The following GRID2 variants were observed in gnomAD, a reference collection of about 807,000 sequenced individuals.
GRID2 encodes glutamate ionotropic receptor delta type subunit 2.
GRID2 carries 33 observed loss-of-function variants against 114.8 expected under a neutral mutation model. The ratio of observed to expected loss-of-function variants is 0.29; its 90% CI spans 0.22 to 0.38. The LOEUF (loss-of-function observed/expected upper bound fraction) is 0.38, where lower values mean the gene tolerates loss of function less well. Ranked by LOEUF, GRID2 falls within the 10% of genes least tolerant of loss-of-function variation. The pLI is 1.00. For missense variants in GRID2, 1,184 were observed against 1,257.7 expected (o/e 0.94, Z 0.89); for synonymous variants, 505 against 449.9 (o/e 1.12, Z -1.55).
intron 2 of GRID2, among the ~76,000 whole-genome samples, chr4:93,084,719 C>A (rs77068042): frequency 2.3e-4 from 35 of 152,082 alleles, no homozygotes; most frequent in African/African-American, 8.0e-4. Flanking sequence ...AATAATCCTG[C>A]GAGATTCATG....
At chr4:93,111,733 G>A (rs913165142) in intron 4 of GRID2, among the ~76,000 whole-genome samples, 48 of 140,646 alleles carry the variant, frequency 3.4e-4, no homozygotes, top group Non-Finnish European at 6.8e-4. Context: ...TTGAGGACGG[G>A]AATTTATTTG....
intron 7 of GRID2, among the ~76,000 whole-genome samples, chr4:93,226,361 A>C (rs1745483459): frequency 6.6e-6 from 1 of 152,236 alleles, no homozygotes; most frequent in African/African-American, 2.4e-5. Flanking sequence ...ATGGTGGGAC[A>C]GTCATAGGAT....
At chr4:92,331,296 C>T (rs1453298425) in intron 1 of GRID2, among the ~76,000 whole-genome samples, 3 of 152,076 alleles carry the variant, frequency 2.0e-5, no homozygotes, top group Non-Finnish European at 2.9e-5. Context: ...CAAAAAGTGC[C>T]AGTGGATAAG....
At chr4:92,966,412 C>T (rs138910989) in intron 2 of GRID2, among the ~76,000 whole-genome samples, 1 of 152,046 alleles carries the variant, frequency 6.6e-6, no homozygotes, top group Non-Finnish European at 1.5e-5. Flanking sequence ...AATTTGGATA[C>T]AATGTTATGC....
chr4:92,660,810 T>A (rs1579789852), intron 2 of GRID2, among the ~76,000 whole-genome samples: 1 of 151,204 alleles, frequency 6.6e-6, no homozygotes, highest in African/African-American at 2.4e-5. Context: ...TTAAAATATA[T>A]GTTGCATAAA....
In GRID2 at chr4:93,455,835, T is replaced by C. The variant is rs1437853877; in HGVS notation, c.1719T>C (p.Ile573=). The C allele has an allele frequency of 6.2e-7, 1 of 1,613,492 alleles. No individual in the cohort carries two copies. The highest frequency in any genetic ancestry group is 8.5e-7 in the Non-Finnish European group (1 of 1,179,450). ...APFDLSLWAC[I]AGTVLLVGLL... is the part of the protein sequence containing the mutation. ...TTGATCTCTCTCTATGGGCTTGCAT[T>C]GCTGGCACAGTCCTTCTGGTGGGTC... The change falls in exon 11 of 16, where the codon ATT becomes ATC. Residue 573 remains isoleucine, a synonymous_variant. Coordinates refer to ENST00000282020, the MANE Select transcript of GRID2 (RefSeq NM_001510.4).
intron 2 of GRID2, among the ~76,000 whole-genome samples, chr4:93,048,293 A>G (rs1234175681): frequency 6.6e-6 from 1 of 151,948 alleles, no homozygotes; most frequent in Non-Finnish European, 1.5e-5. Flanking sequence ...TGCAGTTTTT[A>G]TCCTTTCTCT....
intron 2 of GRID2, among the ~76,000 whole-genome samples, chr4:92,809,854 A>G (rs995060397): frequency 2.0e-5 from 3 of 152,054 alleles, no homozygotes; most frequent in Non-Finnish European, 4.4e-5. Context: ...TGTTGTAAAT[A>G]TATCATAATA....
intron 1 of GRID2, among the ~76,000 whole-genome samples, chr4:92,577,699 A>G (rs150421901): frequency 1.3e-5 from 2 of 152,284 alleles, no homozygotes; most frequent in African/African-American, 4.8e-5. Flanking sequence ...TCCTCTAGAG[A>G]AAGCTAGAAT....
In GRID2 at chr4:93,172,833, A is replaced by G. The variant is rs117301524; in HGVS notation, c.736-34571A>G. Among the ~76,000 whole-genome samples, 24 of 152,264 alleles carry G rather than the reference A, an allele frequency of 1.6e-4. No homozygotes were observed. The East Asian group carries it at 4.6e-3, about 29-fold the overall frequency. On this transcript the variant is annotated intron_variant, in intron 4 of 15. Coordinates refer to ENST00000282020, the MANE Select transcript of GRID2 (RefSeq NM_001510.4). ...CTCAGAAGTTTTGATTCAAATTACT[A>G]AAGTTTGGGGAAAATAAAGTTAACT...
chr4:93,340,326 TTTTTC>T (rs1759524664), intron 8 of GRID2, among the ~76,000 whole-genome samples: 1 of 93,224 alleles, frequency 1.1e-5, no homozygotes, highest in Admixed American at 9.1e-5. Flanking sequence ...TCTGTCTTTC[TTTTTC>T]TTAAAGTTCT....
intron 13 of GRID2, among the ~76,000 whole-genome samples, chr4:93,566,223 C>T (rs965643606): frequency 2.6e-5 from 4 of 152,086 alleles, no homozygotes; most frequent in Non-Finnish European, 2.9e-5. Flanking sequence ...GATTGATGCA[C>T]GCAATGTGCA....
At chr4:93,737,695 A>G (rs1731044089) in intron 14 of GRID2, among the ~76,000 whole-genome samples, 1 of 152,120 alleles carries the variant, frequency 6.6e-6, no homozygotes, top group Non-Finnish European at 1.5e-5. Flanking sequence ...TGACCCTCAT[A>G]TCGAAAGATT....
At chr4:93,781,907 T>C (rs1734488824) in intron 1 of GRID2, among the ~76,000 whole-genome samples, 1 of 152,194 alleles carries the variant, frequency 6.6e-6, no homozygotes, top group African/African-American at 2.4e-5. Flanking sequence ...ACCCTCTGGA[T>C]AATACATTAC....
chr4:92,346,087 A>G (rs769555572), intron 1 of GRID2, among the ~76,000 whole-genome samples: 1 of 152,174 alleles, frequency 6.6e-6, no homozygotes, highest in African/African-American at 2.4e-5. Flanking sequence ...CTTTAGTGCT[A>G]CCTTATCAGC....
intron 2 of GRID2, among the ~76,000 whole-genome samples, chr4:92,797,096 A>G (rs1372782703): frequency 1.3e-5 from 2 of 151,956 alleles, no homozygotes; most frequent in South Asian, 2.1e-4. Flanking sequence ...TATAGTGGAT[A>G]TCAAGTAGTT....
chr4:92,666,033 G>C (rs1292992432), intron 2 of GRID2, among the ~76,000 whole-genome samples: 1 of 151,290 alleles, frequency 6.6e-6, no homozygotes, highest in Non-Finnish European at 1.5e-5. Flanking sequence ...CTCCTTCGGA[G>C]ACTACTATAA....
chr4:93,232,140 G>C lies in GRID2; in HGVS notation c.1126-6231G>C, dbSNP rs73837730. 2.6e-3 allele frequency among the ~76,000 whole-genome samples: 395 copies of C among 152,212 alleles called. 2 individuals are homozygous for C. The highest frequency in any genetic ancestry group is 9.2e-3 in the African/African-American group (381 of 41,546). On this transcript the variant is annotated intron_variant, in intron 7 of 15. Transcript: ENST00000282020. ...AGTGATTTAGGAAAAAAATTATTTTGTGGGTAAATGTAAGACACTAAATAA... is the reference window on the plus strand; with the variant it reads ...AGTGATTTAGGAAAAAAATTATTTTCTGGGTAAATGTAAGACACTAAATAA...
chr4:93,696,731 A>C (rs1490436197), intron 14 of GRID2, among the ~76,000 whole-genome samples: 1 of 152,168 alleles, frequency 6.6e-6, no homozygotes, highest in African/African-American at 2.4e-5. Flanking sequence ...AACCACTGTC[A>C]CAATTCTCAA....
Sources: gnomAD v4.1 joint callset for allele counts (sites outside exome capture counted in the v4.1 genomes callset) on GRCh38, gnomAD v4.1.1 for gene constraint, MANE v1.5 for transcripts, NCBI Gene and HGNC (gene_info 2026-07-23, HGNC 2026-07-21) for gene names.